Variants in VDAC1 observed in about 807,000 individuals in gnomAD.
VDAC1 encodes the protein voltage dependent anion channel 1, also known as non-selective voltage-gated ion channel VDAC1.
VDAC1 carries 10 observed loss-of-function variants against 34.7 expected under a neutral mutation model. The ratio of observed to expected loss-of-function variants is 0.29; its 90% CI spans 0.18 to 0.49. VDAC1 has a LOEUF of 0.49. Among genes scored for constraint, VDAC1 ranks in the 20% least tolerant of loss-of-function variants. VDAC1 has a pLI of 0.99. For missense variants in VDAC1, 230 were observed against 347.9 expected, an observed-to-expected ratio of 0.66 and a Z score of 2.69; for synonymous variants, 130 against 136.0, an observed-to-expected ratio of 0.96 and a Z score of 0.30.
chr5:134,074,864 C>T, the VDAC1 span, among the ~76,000 whole-genome samples: 1 of 152,072 alleles, frequency 6.6e-6, no homozygotes, highest in Non-Finnish European at 1.5e-5. Flanking sequence ...AGACATCCAC[C>T]ACCAAAGGCT....
At chr5:134,093,832 C>G in the VDAC1 span, among the ~76,000 whole-genome samples, 1 of 152,216 alleles carries the variant, frequency 6.6e-6, no homozygotes, top group Non-Finnish European at 1.5e-5. Context: ...CAGGAAGAAA[C>G]AGGTTGCTGA....
rs1197638774 is a variant in VDAC1, at chr5:133,990,776, A to G, written c.323+79T>C. 8.0e-6 allele frequency: 12 copies of G among 1,491,610 alleles called. No homozygotes were observed. In the East Asian group the frequency reaches 2.5e-4, roughly 31 times the overall value. The allele number at this position is 1,491,610 out of a possible 1,614,324, so 92.4% of individuals were successfully genotyped here. A position where few individuals can be genotyped will look rare whatever the true frequency, so the allele number is the denominator to read the frequency against. On this transcript the variant is annotated intron_variant, in intron 5 of 8. Coordinates refer to ENST00000265333, the MANE Select transcript of VDAC1 (RefSeq NM_003374.3). Reference sequence around the variant, plus strand: ...ATATTTTAGGTGCTGTCAGCCCCCAAAACATTTTGTCACAAAGGGCTTCCA... The same window carrying G: ...ATATTTTAGGTGCTGTCAGCCCCCAGAACATTTTGTCACAAAGGGCTTCCA...
At chr5:134,011,538 T>A in the VDAC1 span, among the ~76,000 whole-genome samples, 1 of 152,106 alleles carries the variant, frequency 6.6e-6, no homozygotes, top group East Asian at 1.9e-4. Context: ...AGATTGTACA[T>A]TTAAGTGAGA....
At chr5:134,074,311 A>C in the VDAC1 span, among the ~76,000 whole-genome samples, 3 of 96,278 alleles carry the variant, frequency 3.1e-5, no homozygotes, top group South Asian at 4.1e-4. Flanking sequence ...TCTCAAAATA[A>C]ATAAATAAAT....
At chr5:134,019,535 G>A in the VDAC1 span, among the ~76,000 whole-genome samples, 4 of 152,100 alleles carry the variant, frequency 2.6e-5, no homozygotes, top group African/African-American at 9.7e-5. Flanking sequence ...AGCCATGATC[G>A]TACCACTGTG....
the VDAC1 span, among the ~76,000 whole-genome samples, chr5:134,014,629 A>G: frequency 6.6e-6 from 1 of 152,172 alleles, no homozygotes; most frequent in Non-Finnish European, 1.5e-5. Flanking sequence ...ACACTTTGGG[A>G]GGCTGAGGCA....
the VDAC1 span, among the ~76,000 whole-genome samples, chr5:134,066,486 C>T: frequency 6.6e-6 from 1 of 152,190 alleles, no homozygotes; most frequent in Non-Finnish European, 1.5e-5. Flanking sequence ...TTTACTTTTA[C>T]TGTAATTTCT....
chr5:133,992,484 C>T, intron 2 of VDAC1, 129 bp from the exon 3 acceptor site: 1 of 570,778 alleles, frequency 1.8e-6, no homozygotes, highest in Non-Finnish European at 2.8e-6. Context: ...CTGAGGGCAC[C>T]CAGTCTCTGC....
chr5:134,113,405 A>T, the VDAC1 span, among the ~76,000 whole-genome samples: 1 of 152,152 alleles, frequency 6.6e-6, no homozygotes, highest in Non-Finnish European at 1.5e-5. Context: ...TAGCTCTTTG[A>T]TCCACAGCCA....
the VDAC1 span, among the ~76,000 whole-genome samples, chr5:134,107,790 C>T: frequency 7.9e-5 from 12 of 152,204 alleles, no homozygotes; most frequent in African/African-American, 2.7e-4. Flanking sequence ...AAGTACTCTA[C>T]AAGCAGGAAC....
chr5:134,025,863 G>A, the VDAC1 span, among the ~76,000 whole-genome samples: 1 of 152,104 alleles, frequency 6.6e-6, no homozygotes, highest in African/African-American at 2.4e-5. Context: ...CCCAAATGGA[G>A]GTGATGTTTC....
the VDAC1 span, among the ~76,000 whole-genome samples, chr5:134,080,376 C>G: frequency 6.6e-6 from 1 of 152,354 alleles, no homozygotes; most frequent in Admixed American, 6.5e-5. Context: ...AAAAGCTGGC[C>G]TGCATTGCGT....
the VDAC1 span, among the ~76,000 whole-genome samples, chr5:134,029,277 A>G: frequency 6.6e-3 from 1,007 of 152,374 alleles, 8 homozygotes; most frequent in Middle Eastern, 0.02. Flanking sequence ...TGTGCCTAAC[A>G]GCACAGCTGA....
the VDAC1 span, among the ~76,000 whole-genome samples, chr5:134,013,384 A>G: frequency 2.0e-5 from 3 of 152,120 alleles, no homozygotes; most frequent in Non-Finnish European, 4.4e-5. Flanking sequence ...GCAGTGAGCT[A>G]TGATCGCACC....
chr5:134,097,091 A>G, the VDAC1 span, among the ~76,000 whole-genome samples: 2 of 152,234 alleles, frequency 1.3e-5, no homozygotes, highest in African/African-American at 4.8e-5. Flanking sequence ...AGATATCAGC[A>G]TTAGTGCTGT....
At chr5:133,996,412 ACTG>A (rs1162507610) in intron 1 of VDAC1, among the ~76,000 whole-genome samples, 3 of 152,158 alleles carry the variant, frequency 2.0e-5, no homozygotes, top group African/African-American at 7.2e-5. Flanking sequence ...TCCGGCCCAT[ACTG>A]GAAGCACAGA....
the VDAC1 span, among the ~76,000 whole-genome samples, chr5:134,074,423 G>T: frequency 6.6e-6 from 1 of 152,150 alleles, no homozygotes. Context: ...TAGCATGGGG[G>T]TGTTCTGTGA....
the VDAC1 span, among the ~76,000 whole-genome samples, chr5:134,018,088 G>T: frequency 5.8e-4 from 88 of 152,270 alleles, 1 homozygote; most frequent in Middle Eastern, 0.017. Context: ...AAGAAAAGAG[G>T]TTTAACTGGC....
At chr5:134,073,713 G>C in the VDAC1 span, among the ~76,000 whole-genome samples, 1 of 152,172 alleles carries the variant, frequency 6.6e-6, no homozygotes, top group Non-Finnish European at 1.5e-5. Flanking sequence ...CATTTAAAAA[G>C]AAGGAAGTAG....
Sources: allele counts gnomAD v4.1 joint callset (sites outside exome capture counted in the v4.1 genomes callset), GRCh38; gene constraint gnomAD v4.1.1; transcripts MANE v1.5; gene names NCBI Gene and HGNC (gene_info 2026-07-23, HGNC 2026-07-21).